COQ8A: variants seen among roughly 807,000 people sequenced by gnomAD.
The protein encoded by COQ8A is atypical kinase COQ8A, mitochondrial.
Under a neutral mutation model 65.0 loss-of-function variants are expected in COQ8A, and 51 were observed. The observed-to-expected ratio is 0.78, with a 90% CI of 0.63 to 0.99. The LOEUF (loss-of-function observed/expected upper bound fraction) is 0.99. COQ8A is among the 50% of genes least tolerant of loss of function. The pLI is 0.00. For missense variants in COQ8A, 940 were observed against 875.0 expected, an observed-to-expected ratio of 1.07 and a Z score of -0.94; for synonymous variants, 371 against 353.2, an observed-to-expected ratio of 1.05 and a Z score of -0.57.
intron 1 of COQ8A, among the ~76,000 whole-genome samples, chr1:226,942,750 G>A (rs764481318): frequency 6.6e-6 from 1 of 152,190 alleles, no homozygotes; most frequent in African/African-American, 2.4e-5. Context: ...GAGTTCTTTT[G>A]TAGTTGCTTG....
chr1:226,946,233 G>T lies in COQ8A; in HGVS notation c.-10+5834G>T, dbSNP rs1657037166. Among the ~76,000 whole-genome samples, 1 of 152,216 alleles carries T rather than the reference G, an allele frequency of 6.6e-6. No homozygotes were observed. Among genetic ancestry groups the T allele is most frequent in the Non-Finnish European group, 1.5e-5 (1 of 68,036 alleles). ...ACAGAGTCATACAGGGCATGGCGAGGTGACCTTAGGCCATTAAGAGATGAG... is the reference window on the plus strand; with the variant it reads ...ACAGAGTCATACAGGGCATGGCGAGTTGACCTTAGGCCATTAAGAGATGAG... On this transcript the variant is annotated intron_variant, in intron 1 of 14. Transcript: ENST00000366777. This position sits in a 1 kb window ranked among gnomAD's most constrained non-coding sequence, Gnocchi z 5.3.
In COQ8A at chr1:226,987,076, T is replaced by G; in HGVS notation, c.*339T>G. ...AGAGAGTCCTTACTCCCTTCCAATCTCTGTTCAGTGCAAAACCCAGAAACA... is the reference window on the plus strand; with the variant it reads ...AGAGAGTCCTTACTCCCTTCCAATCGCTGTTCAGTGCAAAACCCAGAAACA... On this transcript the variant is annotated 3_prime_UTR_variant, in exon 15 of 15. Transcript: ENST00000366777. The G allele has an allele frequency of 2.6e-6, 1 of 380,596 alleles. No individual in the cohort carries two copies. The highest frequency in any genetic ancestry group is 2.4e-5 in the South Asian group (1 of 40,882). The allele number at this position is 380,596 out of a possible 1,614,324, so 23.6% of individuals were successfully genotyped here. A position where few individuals can be genotyped will look rare whatever the true frequency, so the allele number is the denominator to read the frequency against.
chr1:226,976,832 G>T (rs1048481113), intron 4 of COQ8A, among the ~76,000 whole-genome samples: 5 of 152,196 alleles, frequency 3.3e-5, no homozygotes, highest in African/African-American at 1.2e-4. Context: ...TGCCAGCCCC[G>T]CAGAAAGGGC....
At chr1:226,974,394 G>T (rs940580653) in intron 4 of COQ8A, among the ~76,000 whole-genome samples, 1 of 152,242 alleles carries the variant, frequency 6.6e-6, no homozygotes, top group South Asian at 2.1e-4. Flanking sequence ...CCTCCAGGAC[G>T]ACCTTGCTGG....
chr1:226,980,703 T>A (rs560910137), intron 5 of COQ8A, among the ~76,000 whole-genome samples: 4 of 152,312 alleles, frequency 2.6e-5, no homozygotes, highest in Admixed American at 2.0e-4. Context: ...AGAGCTAACA[T>A]CTCCCACCTT....
intron 1 of COQ8A, among the ~76,000 whole-genome samples, chr1:226,956,130 T>C (rs867346832): frequency 2.2e-5 from 3 of 139,046 alleles, no homozygotes; most frequent in Admixed American, 1.4e-4. Context: ...TGGTTCACAC[T>C]CTCCCTGGTT....
At chr1:226,973,540 G>C (rs1360460128) in intron 4 of COQ8A, among the ~76,000 whole-genome samples, 1 of 152,196 alleles carries the variant, frequency 6.6e-6, no homozygotes, top group Non-Finnish European at 1.5e-5. Context: ...TCCCCCACCA[G>C]TCCAGTTCTG....
chr1:226,944,769 GA>G (rs1387176817), intron 1 of COQ8A, among the ~76,000 whole-genome samples: 4 of 107,574 alleles, frequency 3.7e-5, no homozygotes, highest in Non-Finnish European at 7.6e-5. Context: ...GAGAGTGAGA[GA>G]GAGAGAGTGA....
intron 1 of COQ8A, among the ~76,000 whole-genome samples, chr1:226,950,427 T>C (rs771810952): frequency 3.3e-5 from 5 of 152,236 alleles, no homozygotes; most frequent in Non-Finnish European, 7.3e-5. Flanking sequence ...CTCTTACCTG[T>C]TAAACAGGTT....
At chr1:226,961,311 G>A in intron 1 of COQ8A, 66 bp from the exon 2 acceptor site, 2 of 1,551,038 alleles carry the variant, frequency 1.3e-6, no homozygotes. Context: ...TTGGTGTGGA[G>A]TTGGTAGTGT....
intron 4 of COQ8A, among the ~76,000 whole-genome samples, chr1:226,968,070 A>C (rs193087036): frequency 6.6e-6 from 1 of 152,332 alleles, no homozygotes; most frequent in East Asian, 1.9e-4. Flanking sequence ...AAAACAAGTT[A>C]ACTGTAATCT....
chr1:226,952,931 G>A (rs1301400932), intron 1 of COQ8A, among the ~76,000 whole-genome samples: 1 of 152,070 alleles, frequency 6.6e-6, no homozygotes, highest in Non-Finnish European at 1.5e-5. Flanking sequence ...GCTCCAAAAG[G>A]AAAGATGATA....
intron 4 of COQ8A, among the ~76,000 whole-genome samples, chr1:226,976,075 G>T (rs945218713): frequency 6.7e-6 from 1 of 149,634 alleles, no homozygotes; most frequent in African/African-American, 2.5e-5. Context: ...GGGCTGTGGC[G>T]CTGCGATGTT....
At chr1:226,953,962 A>G (rs778552273) in intron 1 of COQ8A, among the ~76,000 whole-genome samples, 31 of 152,226 alleles carry the variant, frequency 2.0e-4, no homozygotes, top group Non-Finnish European at 3.8e-4. Flanking sequence ...TTCTAAGAGT[A>G]AAAAAGGAAA....
Position 226,952,114 on chromosome 1 carries a change from C to T in COQ8A, c.-9-9263C>T, listed in dbSNP as rs115076923. 4.3e-3 allele frequency among the ~76,000 whole-genome samples: 662 copies of T among 152,332 alleles called. 4 individuals carry two copies. Among genetic ancestry groups the T allele is most frequent in the African/African-American group, 0.015 (639 of 41,568 alleles). On this transcript the variant is annotated intron_variant, in intron 1 of 14. Transcript: ENST00000366777. ...CAACATTAGGGAAGGCAGGCAGACC[C>T]GCTGCTTGTTCCAAGTGATTTTTTT... is the stretch of plus-strand genomic sequence containing the variant.
At chr1:226,978,934 CCA>C (rs1230032485) in intron 5 of COQ8A, among the ~76,000 whole-genome samples, 14 of 150,488 alleles carry the variant, frequency 9.3e-5, no homozygotes, top group Non-Finnish European at 1.6e-4. Flanking sequence ...CACACACCCA[CCA>C]CACACCCACA....
intron 3 of COQ8A, 89 bp from the exon 4 acceptor site, chr1:226,965,582 G>A: frequency 6.5e-7 from 1 of 1,530,592 alleles, no homozygotes; most frequent in South Asian, 1.1e-5. Flanking sequence ...CTGTGGGGTG[G>A]AGAGGAGATG....
intron 2 of COQ8A, among the ~76,000 whole-genome samples, chr1:226,963,998 CCTT>C: frequency 2.0e-5 from 3 of 152,304 alleles, no homozygotes; most frequent in Admixed American, 6.5e-5. Flanking sequence ...TGCCTGGTGA[CCTT>C]CACCAGCACA....
At chr1:226,943,716 A>G (rs533337008) in intron 1 of COQ8A, among the ~76,000 whole-genome samples, 3 of 152,184 alleles carry the variant, frequency 2.0e-5, no homozygotes, top group East Asian at 1.9e-4. Context: ...TATAATTTGC[A>G]TACGGTAAAT....
Sources: gnomAD v4.1 joint callset for allele counts (sites outside exome capture counted in the v4.1 genomes callset) on GRCh38, gnomAD v4.1.1 for gene constraint, Gnocchi (gnomAD v3.1) non-coding constraint, MANE v1.5 for transcripts, NCBI Gene and HGNC (gene_info 2026-07-23, HGNC 2026-07-21) for gene names.